The following METTL15 variants were observed in gnomAD, a reference collection of about 807,000 sequenced individuals.
The protein encoded by METTL15 is 12S rRNA N(4)-cytidine methyltransferase METTL15.
In METTL15, 34 loss-of-function variants were observed where a neutral mutation model predicts 38.3. That is an observed-to-expected ratio of 0.89 (90% CI 0.68 to 1.18). METTL15 has a LOEUF of 1.18. Among genes scored for constraint, METTL15 ranks in the 50% most tolerant of loss-of-function variants. METTL15 has a pLI of 0.00. For synonymous variants in METTL15, 162 were observed against 170.9 expected, an observed-to-expected ratio of 0.95 and a Z score of 0.41; for missense variants, 438 against 498.4, an observed-to-expected ratio of 0.88 and a Z score of 1.15.
At chr11:28,279,590 T>A (rs1855972051) in intron 4 of METTL15, among the ~76,000 whole-genome samples, 1 of 152,196 alleles carries the variant, frequency 6.6e-6, no homozygotes, top group Non-Finnish European at 1.5e-5. Flanking sequence ...GATCACAACC[T>A]ACATGATTGT....
At chr11:28,297,544 C>T (rs955473069) in intron 6 of METTL15, among the ~76,000 whole-genome samples, 12 of 152,054 alleles carry the variant, frequency 7.9e-5, no homozygotes, top group Non-Finnish European at 1.5e-4. Context: ...TCTGCTATTT[C>T]GCTATTCACC....
intron 4 of METTL15, among the ~76,000 whole-genome samples, chr11:28,282,032 A>T (rs557556631): frequency 6.6e-6 from 1 of 152,344 alleles, no homozygotes; most frequent in South Asian, 2.1e-4. Context: ...ATCAGTTTTT[A>T]AAAAGTATTT....
chr11:28,447,279 C>A (rs1851083293), intron 6 of METTL15, among the ~76,000 whole-genome samples: 2 of 152,046 alleles, frequency 1.3e-5, no homozygotes, highest in South Asian at 4.1e-4. Context: ...AGTAGAGAAA[C>A]AACAGACTGG....
downstream of METTL15, among the ~76,000 whole-genome samples, chr11:28,333,831 C>T (rs1849875057): frequency 6.6e-6 from 1 of 151,574 alleles, no homozygotes; most frequent in Admixed American, 6.6e-5. Context: ...ATACAGTATG[C>T]CTAATTAGAT....
At chr11:28,517,752 G>A (rs952460503) in intron 6 of METTL15, among the ~76,000 whole-genome samples, 2 of 152,148 alleles carry the variant, frequency 1.3e-5, no homozygotes, top group Admixed American at 6.5e-5. Context: ...AAAACAGCCC[G>A]CCACGGTTAC....
exon 5 of METTL15, chr11:28,361,958 C>T (rs1231052214): frequency 1.3e-5 from 2 of 152,160 alleles, no homozygotes; most frequent in African/African-American, 4.8e-5. Flanking sequence ...CAATAAACTA[C>T]TTATTCTCCC....
At chr11:28,409,962 G>T (rs1850710766) in intron 5 of METTL15, among the ~76,000 whole-genome samples, 1 of 151,756 alleles carries the variant, frequency 6.6e-6, no homozygotes. Context: ...GAAATACAAA[G>T]AATCATAAAG....
chr11:28,361,749 T>C (rs1280012868), intron 4 of METTL15, among the ~76,000 whole-genome samples: 1 of 152,106 alleles, frequency 6.6e-6, no homozygotes, highest in African/African-American at 2.4e-5. Context: ...TACCAAACCA[T>C]TCATGGATCC....
chr11:28,452,603 A>T (rs1851132579), intron 6 of METTL15, among the ~76,000 whole-genome samples: 1 of 152,162 alleles, frequency 6.6e-6, no homozygotes, highest in Non-Finnish European at 1.5e-5. Context: ...GAAAGAAAAA[A>T]AATCACATCA....
At chr11:28,289,531 A>G (rs536178428) in intron 4 of METTL15, among the ~76,000 whole-genome samples, 1 of 152,244 alleles carries the variant, frequency 6.6e-6, no homozygotes, top group East Asian at 1.9e-4. Flanking sequence ...GAAGAACCAT[A>G]AAGGCAGCAT....
intron 4 of METTL15, among the ~76,000 whole-genome samples, chr11:28,289,124 A>G (rs559265302): frequency 1.3e-5 from 2 of 152,220 alleles, no homozygotes; most frequent in South Asian, 4.1e-4. Flanking sequence ...AATTTTCCCA[A>G]TAAGAACAGG....
chr11:28,407,582 G>T (rs1297455100), intron 5 of METTL15, among the ~76,000 whole-genome samples: 2 of 152,170 alleles, frequency 1.3e-5, no homozygotes, highest in Non-Finnish European at 2.9e-5. Context: ...CTAATCATTA[G>T]AGAAATGCAA....
chr11:28,448,354 A>G (rs1421669182), intron 6 of METTL15, among the ~76,000 whole-genome samples: 3 of 152,128 alleles, frequency 2.0e-5, no homozygotes, highest in African/African-American at 2.4e-5. Context: ...CTTTTCAGCC[A>G]ACAAATATTT....
At chr11:28,372,767 C>T (rs1302878764) in intron 5 of METTL15, among the ~76,000 whole-genome samples, 1 of 106,316 alleles carries the variant, frequency 9.4e-6, no homozygotes, top group Admixed American at 1.2e-4. Context: ...TATCCCTCCC[C>T]CCTCCCCCCA....
At chr11:28,425,180 G>T (rs1314306928) in intron 6 of METTL15, among the ~76,000 whole-genome samples, 1 of 152,182 alleles carries the variant, frequency 6.6e-6, no homozygotes, top group Non-Finnish European at 1.5e-5. Context: ...AGTAGAAAGA[G>T]CAAGAATTGG....
chr11:28,460,541 T>C (rs548205482), intron 6 of METTL15, among the ~76,000 whole-genome samples: 9 of 152,248 alleles, frequency 5.9e-5, no homozygotes, highest in Middle Eastern at 3.4e-3. Flanking sequence ...AGCAACAACC[T>C]TCTGTGGCTT....
chr11:28,146,221 T>C (rs1849879535), intron 3 of METTL15, among the ~76,000 whole-genome samples: 1 of 152,026 alleles, frequency 6.6e-6, no homozygotes. Flanking sequence ...TATCACAAGG[T>C]TTTAACTAAG....
chr11:28,455,087 A>G (rs947532105), intron 6 of METTL15, among the ~76,000 whole-genome samples: 1 of 152,146 alleles, frequency 6.6e-6, no homozygotes, highest in Admixed American at 6.5e-5. Flanking sequence ...GAATCCTCCC[A>G]TATGTATCCA....
intron 5 of METTL15, among the ~76,000 whole-genome samples, chr11:28,406,721 G>T (rs917552726): frequency 4.6e-5 from 7 of 152,096 alleles, no homozygotes. Flanking sequence ...CTAATACTAT[G>T]CTGAATAGGA....
Sources: gnomAD v4.1 joint callset for allele counts (sites outside exome capture counted in the v4.1 genomes callset) on GRCh38, gnomAD v4.1.1 for gene constraint, MANE v1.5 for transcripts, NCBI Gene and HGNC (gene_info 2026-07-23, HGNC 2026-07-21) for gene names.